The following CIC variants were observed in gnomAD, a reference collection of about 807,000 sequenced individuals.
CIC encodes protein capicua homolog.
CIC carries 18 observed loss-of-function variants against 115.7 expected under a neutral mutation model. The observed-to-expected ratio is 0.16, with a 90% CI of 0.11 to 0.23. CIC has a LOEUF of 0.23. Among genes scored for constraint, CIC ranks in the 10% least tolerant of loss-of-function variants. The probability of loss-of-function intolerance (pLI) is 1.00; values close to 1 mark genes in which losing one functional copy is unlikely to be tolerated. For synonymous variants in CIC, 1,076 were observed against 923.0 expected, an observed-to-expected ratio of 1.17 and a Z score of -3.01; for missense variants, 2,000 against 2,159.3, an observed-to-expected ratio of 0.93 and a Z score of 1.46.
In CIC at chr19:42,295,143, G is replaced by GGGGCGCCC; in HGVS notation, c.7506_7507insGGGCGCCC (p.Pro2503GlyfsTer29). The GGGGCGCCC allele has an allele frequency of 7.2e-7, 1 of 1,382,734 alleles. No individual in the cohort carries two copies. The highest frequency in any genetic ancestry group is 9.6e-7 in the Non-Finnish European group (1 of 1,037,822). 85.7% of individuals were successfully genotyped at this position (1,382,734 alleles called of 1,614,324 possible). A position where few individuals can be genotyped will look rare whatever the true frequency, so the allele number is the denominator to read the frequency against. On this transcript the variant is annotated frameshift_variant, in exon 21 of 21. Coordinates refer to ENST00000681038, the MANE Select transcript of CIC (RefSeq NM_001386298.1). LOFTEE classifies it high-confidence loss of function. ...AGCCTGGCTGGGAGGGGGCTCCCCA[G>GGGGCGCCC]CCCTCCCCCCCACCCCCAGGTCCCT...
At chr19:42,284,626 C>A in intron 2 of CIC, 1 of 1,124,258 alleles carries the variant, frequency 8.9e-7, no homozygotes, top group Non-Finnish European at 1.3e-6. Flanking sequence ...CGGCGACGGC[C>A]GAGGAGCGGG....
rs1026417482 is a variant in CIC, at chr19:42,280,589, C to A, written c.2794+6012C>A. ...CCGCGTCCTCGGGCTGGGTGGGGTA[C>A]CCTCCCTCCCACCGCAGACAGCTCG... On this transcript the variant is annotated intron_variant, in intron 2 of 20. Transcript: ENST00000681038. The surrounding 1 kb of genome is among the most constrained non-coding windows in gnomAD (Gnocchi z 4.9). Among the ~76,000 whole-genome samples the A allele has an allele frequency of 8.5e-5, 13 of 152,096 alleles. No individual in the cohort carries two copies. The highest frequency in any genetic ancestry group is 2.9e-4 in the African/African-American group (12 of 41,428).
At chr19:42,284,045 A>G (rs975648475) in intron 2 of CIC, 2 of 137,928 alleles carry the variant, frequency 1.5e-5, no homozygotes, top group Admixed American at 1.4e-4. Flanking sequence ...GGGGGAGGGG[A>G]GCGCGTAGTA....
Position 42,294,046 on chromosome 19 carries a change from G to A in CIC, c.6879G>A (p.Arg2293=), listed in dbSNP as rs773492007. 51 of 1,613,382 alleles carry A rather than the reference G, an allele frequency of 3.2e-5. 1 individual carries two copies. In the South Asian group the frequency reaches 5.6e-4, roughly 18 times the overall value. ...TGCAGTCTCTGGCCACCTCACCCCG[G>A]GCCATCCTGGGCTCTTACCGCAAGA... ...PTLQSLATSP[R]AILGSYRKKR... Residue 2293 remains arginine, a synonymous_variant, in exon 18 of 21, where the codon CGG becomes CGA. Coordinates refer to ENST00000681038, the MANE Select transcript of CIC (RefSeq NM_001386298.1).
At position 42,272,832 on chromosome 19, in the gene CIC, G is replaced by A; in HGVS notation, c.1049G>A (p.Arg350Lys). 1 of 399,244 alleles carries A rather than the reference G, an allele frequency of 2.5e-6. No individual in the cohort carries two copies. Among genetic ancestry groups the A allele is most frequent in the Non-Finnish European group, 4.4e-6 (1 of 226,550 alleles). 24.7% of individuals were successfully genotyped at this position (399,244 alleles called of 1,614,324 possible). ...CCCTGGGAACCTGAGACCATGCTGAGGAAGCCCCCTACAGGCCCTGAGGAA... is the reference window on the plus strand; with the variant it reads ...CCCTGGGAACCTGAGACCATGCTGAAGAAGCCCCCTACAGGCCCTGAGGAA... Reference protein sequence around the residue: ...RPPWEPETMLRKPPTGPEEEQ... With the variant: ...RPPWEPETMLKKPPTGPEEEQ... Residue 350 changes from arginine (R) to lysine (K), a missense_variant, in exon 2 of 21, where the codon AGG becomes AAG. Transcript: ENST00000681038.
rs1409078793 is a variant in CIC, at chr19:42,293,589, C to T, written c.6523-3C>T. 1 of 1,613,882 alleles carries T rather than the reference C, an allele frequency of 6.2e-7. No individual in the cohort carries two copies. Among genetic ancestry groups the T allele is most frequent in the Non-Finnish European group, 8.5e-7 (1 of 1,180,032 alleles). ...GCCATCTCCCTGCCCATCTCCACCC[C>T]AGGCCAGCAAATTCCCCAGCTCATC... On this transcript the variant is annotated splice_region_variant and splice_polypyrimidine_tract_variant and intron_variant, in intron 16 of 20. Coordinates refer to ENST00000681038, the MANE Select transcript of CIC (RefSeq NM_001386298.1).
At position 42,293,259 on chromosome 19, in the gene CIC, G is replaced by A; in HGVS notation, c.6500G>A (p.Ser2167Asn). ...CCCCCACCTGCTGAGGAGCGGACCAGCGCCAAGGGCCCTGAGACCATGGTG... is the reference window on the plus strand; with the variant it reads ...CCCCCACCTGCTGAGGAGCGGACCAACGCCAAGGGCCCTGAGACCATGGTG... ...PLPPPAEERT[S>N]AKGPETMASK... Residue 2167 changes from serine (S) to asparagine (N), a missense_variant, in exon 16 of 21, where the codon AGC becomes AAC. Physicochemically the swap from Ser to Asn is conservative, Grantham distance 46. This residue lies in a region of CIC where 1,466 missense variants were observed against 1,390.4 expected (regional missense o/e 1.05). Transcript: ENST00000681038. The A allele has an allele frequency of 6.3e-7, 1 of 1,583,206 alleles. No homozygotes were observed. The highest frequency in any genetic ancestry group is 8.6e-7 in the Non-Finnish European group (1 of 1,166,970).
chr19:42,284,328 C>CGCCCCGCCTGCCCCGCCTGCCCCGCCT (rs561141658), intron 2 of CIC: 9 of 144,492 alleles, frequency 6.2e-5, no homozygotes, highest in Non-Finnish European at 3.1e-5. Flanking sequence ...CGTCGCGCCC[C>CGCCCCGCCTGCCCCGCCTGCCCCGCCT]GCCCCGCCTG....
At chr19:42,281,377 G>C (rs1435741450) in intron 2 of CIC, among the ~76,000 whole-genome samples, 1 of 152,224 alleles carries the variant, frequency 6.6e-6, no homozygotes, top group African/African-American at 2.4e-5. Context: ...GCCTCAGCCT[G>C]TACCGCCCGC....
Position 42,292,748 on chromosome 19 carries a change from T to C in CIC, c.6085T>C (p.Tyr2029His). 4 of 1,613,608 alleles carry C rather than the reference T, an allele frequency of 2.5e-6. No individual in the cohort carries two copies. The highest frequency in any genetic ancestry group is 3.4e-6 in the Non-Finnish European group (4 of 1,179,922). ...ATCCCAGGCCCCCCCAAGCCTGGTC[T>C]ACACTGTGGCCACCAGCACAACCCC... Reference protein sequence around the residue: ...QPSQAPPSLVYTVATSTTPPA... With the variant: ...QPSQAPPSLVHTVATSTTPPA... Residue 2029 changes from tyrosine (Y) to histidine (H), a missense_variant, in exon 15 of 21, where the codon TAC (tyrosine) becomes CAC (histidine). Transcript: ENST00000681038.
chr19:42,294,745 T>C lies in CIC; in HGVS notation c.7186+10T>C. ...GGCTTCTTCCCGTCAGGTGAGCCTG[T>C]CTCGGAGTCTTGGGGTCACTCGGGT... On this transcript the variant is annotated intron_variant, in intron 20 of 20. Coordinates refer to ENST00000681038, the MANE Select transcript of CIC (RefSeq NM_001386298.1). 6.2e-7 allele frequency: 1 copy of C among 1,612,834 alleles called. No homozygotes were observed. Among genetic ancestry groups the C allele is most frequent in the Middle Eastern group, 1.6e-4 (1 of 6,062 alleles).
Position 42,291,742 on chromosome 19 carries a change from C to A in CIC, c.5610C>A (p.Ser1870Arg). 9 of 1,613,008 alleles carry A rather than the reference C, an allele frequency of 5.6e-6. No individual in the cohort carries two copies. The highest frequency in any genetic ancestry group is 7.6e-6 in the Non-Finnish European group (9 of 1,179,994). ...TGCAGAATGGTGCCCAGCCCCCCAG[C>A]AAGGTGAGGGCCTGCCTTTCTCTCT... ...VPVQNGAQPP[S>R]KIIQLTPVPV... The change falls in exon 12 of 21, where the codon AGC becomes AGA. Residue 1870 changes from serine to arginine, a missense_variant. By Grantham distance (110) the Ser-to-Arg change is moderately radical. Transcript: ENST00000681038.
chr19:42,291,799 A>T (rs997095347), intron 12 of CIC, 54 bp downstream of exon 12: 1 of 1,598,730 alleles, frequency 6.3e-7, no homozygotes, highest in South Asian at 1.1e-5. Context: ...GTACCCCATC[A>T]TTTCTTTGTC....
rs765176161 is a variant in CIC at position 42,293,299 on chromosome 19, G to T, written c.6522+18G>T. ...AGACCATGGTGAGCGCCTGCAGGCCGTGGGGCTCCCACTGCCACTTGGCTG... is the reference window on the plus strand; with the variant it reads ...AGACCATGGTGAGCGCCTGCAGGCCTTGGGGCTCCCACTGCCACTTGGCTG... On this transcript the variant is annotated intron_variant, in intron 16 of 20. Coordinates refer to ENST00000681038, the MANE Select transcript of CIC (RefSeq NM_001386298.1). 3 of 1,552,748 alleles carry T rather than the reference G, an allele frequency of 1.9e-6. No individual in the cohort carries two copies. Among genetic ancestry groups the T allele is most frequent in the Non-Finnish European group, 2.6e-6 (3 of 1,152,072 alleles).
upstream of CIC, chr19:42,268,673 C>T (rs1054270583): frequency 6.6e-6 from 1 of 152,294 alleles, no homozygotes; most frequent in African/African-American, 2.4e-5. Context: ...GACTTTTTCT[C>T]CTCGCCGGGT....
rs1185077227 is a variant in CIC at position 42,292,226 on chromosome 19, A to G, written c.5735+19A>G. ...CCACCAGGTAATTGCAGCTGAGCCCATACTCAGAGGCCAGGGAAGGGGTGG... is the reference window on the plus strand; with the variant it reads ...CCACCAGGTAATTGCAGCTGAGCCCGTACTCAGAGGCCAGGGAAGGGGTGG... On this transcript the variant is annotated intron_variant, in intron 13 of 20. Transcript: ENST00000681038. The G allele has an allele frequency of 4.3e-6, 7 of 1,613,684 alleles. No individual in the cohort carries two copies. Among genetic ancestry groups the G allele is most frequent in the South Asian group, 1.1e-5 (1 of 91,076 alleles).
rs760207090 is a variant in CIC at position 42,294,742 on chromosome 19, C to T, written c.7186+7C>T. ...CATGGCTTCTTCCCGTCAGGTGAGC[C>T]TGTCTCGGAGTCTTGGGGTCACTCG... is the stretch of plus-strand genomic sequence containing the variant. On this transcript the variant is annotated splice_region_variant and intron_variant, in intron 20 of 20. Transcript: ENST00000681038. 1.9e-6 allele frequency: 3 copies of T among 1,613,016 alleles called. No individual in the cohort carries two copies. Among genetic ancestry groups the T allele is most frequent in the Non-Finnish European group, 8.5e-7 (1 of 1,180,008 alleles).
chr19:42,295,143 G>GGGCGCCCCCCCCCC lies in CIC; in HGVS notation c.7506_7507insGGCGCCCCCCCCCC (p.Pro2503GlyfsTer31). 7.2e-7 allele frequency: 1 copy of GGGCGCCCCCCCCCC among 1,382,734 alleles called. No individual in the cohort carries two copies. Among genetic ancestry groups the GGGCGCCCCCCCCCC allele is most frequent in the Non-Finnish European group, 9.6e-7 (1 of 1,037,822 alleles). The allele number at this position is 1,382,734 out of a possible 1,614,324, so 85.7% of individuals were successfully genotyped here. A position where few individuals can be genotyped will look rare whatever the true frequency, so the allele number is the denominator to read the frequency against. On this transcript the variant is annotated frameshift_variant, in exon 21 of 21. Transcript: ENST00000681038. LOFTEE classifies it high-confidence loss of function. ...AGCCTGGCTGGGAGGGGGCTCCCCA[G>GGGCGCCCCCCCCCC]CCCTCCCCCCCACCCCCAGGTCCCT...
rs1319003814 is a variant in CIC at position 42,289,954 on chromosome 19, G to A, written c.4191+3G>A. 7 of 1,597,940 alleles carry A rather than the reference G, an allele frequency of 4.4e-6. No homozygotes were observed. Among genetic ancestry groups the A allele is most frequent in the East Asian group, 2.3e-5 (1 of 44,426 alleles). ...GGGAGGACCCAGAGGGCAACAAGGT[G>A]AGGGCTTGGGTCACGGTGCTGTCCC... is the stretch of plus-strand genomic sequence containing the variant. On this transcript the variant is annotated splice_donor_region_variant and intron_variant, in intron 10 of 20. Coordinates refer to ENST00000681038, the MANE Select transcript of CIC (RefSeq NM_001386298.1).
Sources: allele counts gnomAD v4.1 joint callset (sites outside exome capture counted in the v4.1 genomes callset), GRCh38; gene constraint gnomAD v4.1.1; regional missense constraint gnomAD v4.1.1; non-coding constraint Gnocchi (gnomAD v3.1); transcripts MANE v1.5; gene names NCBI Gene and HGNC (gene_info 2026-07-23, HGNC 2026-07-21).